The following LRP1 variants were observed in gnomAD, a reference collection of about 807,000 sequenced individuals.
LRP1 encodes the protein LDL receptor related protein 1.
In LRP1, 51 loss-of-function variants were observed where a neutral mutation model predicts 541.5. The observed-to-expected ratio is 0.09, with a 90% CI of 0.08 to 0.12. The LOEUF is 0.12. Ranked by LOEUF, LRP1 falls within the 10% of genes least tolerant of loss-of-function variation. The pLI is 1.00. For synonymous variants in LRP1, 2,219 were observed against 2,470.8 expected (o/e 0.90, Z 3.02); for missense variants, 3,878 against 6,376.2 (o/e 0.61, Z 13.34).
rs768571162 is a variant in LRP1, at chr12:57,161,082, C to T, written c.2169C>T (p.Ile723=). 5.6e-5 allele frequency: 91 copies of T among 1,613,490 alleles called. No individual in the cohort carries two copies. In the Admixed American group the frequency reaches 1.2e-3, roughly 22 times the overall value. Residue 723 remains isoleucine (I), a synonymous_variant, in exon 13 of 89, where the codon ATC becomes ATT. Coordinates refer to ENST00000243077, the MANE Select transcript of LRP1 (RefSeq NM_002332.3). ...LYWVDAFYDR[I]ETILLNGTDR... is the part of the protein sequence containing the mutation. ...GGGTGGATGCCTTCTACGACCGCAT[C>T]GAGACGATACTGCTCAATGGCACAG...
In LRP1 at chr12:57,183,823, G is replaced by A. The variant is rs1172281354; in HGVS notation, c.5843G>A (p.Arg1948Gln). 5.0e-6 allele frequency: 8 copies of A among 1,614,010 alleles called. No homozygotes were observed. Among genetic ancestry groups the A allele is most frequent in the East Asian group, 2.2e-5 (1 of 44,894 alleles). The change falls in exon 36 of 89, where the codon CGG (arginine) becomes CAG (glutamine). Residue 1948 changes from arginine to glutamine, a missense_variant. Physicochemically the swap from Arg to Gln is conservative, Grantham distance 43. Coordinates refer to ENST00000243077, the MANE Select transcript of LRP1 (RefSeq NM_002332.3). This position sits in a 1 kb window ranked among gnomAD's most constrained non-coding sequence, Gnocchi z 6.1. The stretch of plus-strand genomic sequence containing the variant: ...GACATGGGCCTGAGCACGATCAGCC[G>A]GGCCAAGCGGGACCAGACGTGGCGT... Reference protein sequence around the residue: ...WVDMGLSTISRAKRDQTWRED... With the variant: ...WVDMGLSTISQAKRDQTWRED...
At chr12:57,168,999 C>G (rs528731471) in intron 19 of LRP1, 141 bp from the exon 20 acceptor site, 1 of 688,912 alleles carries the variant, frequency 1.5e-6, no homozygotes, top group South Asian at 1.8e-5. Flanking sequence ...GTTTCTGTGT[C>G]TTTTCTGTTT....
Position 57,198,194 on chromosome 12 carries a change from G to A in LRP1, c.9321G>A (p.Leu3107=). 1 of 1,613,194 alleles carries A rather than the reference G, an allele frequency of 6.2e-7. No individual in the cohort carries two copies. Among genetic ancestry groups the A allele is most frequent in the Non-Finnish European group, 8.5e-7 (1 of 1,179,848 alleles). Residue 3107 remains leucine, a synonymous_variant, in exon 59 of 89, where the codon CTG becomes CTA. Transcript: ENST00000243077. ...HRTGLSNPDG[L]AVDWVGGNLY... Reference sequence around the variant, plus strand: ...CAGGCCTCAGCAACCCCGATGGGCTGGCTGTGGACTGGGTGGGTGGCAACC... The same window carrying A: ...CAGGCCTCAGCAACCCCGATGGGCTAGCTGTGGACTGGGTGGGTGGCAACC...
intron 67 of LRP1, 110 bp from the exon 68 acceptor site, chr12:57,202,311 C>A: frequency 1.1e-6 from 1 of 875,408 alleles, no homozygotes. Flanking sequence ...CTGACCCTTC[C>A]CAAGCTGGGA....
chr12:57,192,592 C>T (rs754173066), intron 44 of LRP1, among the ~76,000 whole-genome samples: 2 of 152,206 alleles, frequency 1.3e-5, no homozygotes, highest in Non-Finnish European at 2.9e-5. Context: ...CTCAGAAACA[C>T]TCCTCAAAGC....
chr12:57,184,382 A>G lies in LRP1; in HGVS notation c.6116A>G (p.Asp2039Gly), dbSNP rs1220401590. The G allele has an allele frequency of 6.2e-7, 1 of 1,614,208 alleles. No individual in the cohort carries two copies. The highest frequency in any genetic ancestry group is 1.7e-5 in the Admixed American group (1 of 60,030). ...QYPRIERSRL[D>G]GTERVVLVNV... is the part of the protein sequence containing the mutation. ...CCGCGTATTGAGCGGTCTCGGCTAGATGGCACGGAGCGTGTGGTGCTGGTC... is the reference window on the plus strand; with the variant it reads ...CCGCGTATTGAGCGGTCTCGGCTAGGTGGCACGGAGCGTGTGGTGCTGGTC... Residue 2039 changes from aspartate to glycine, a missense_variant, in exon 38 of 89, where the codon GAT becomes GGT. Transcript: ENST00000243077. This position sits in a 1 kb window ranked among gnomAD's most constrained non-coding sequence, Gnocchi z 7.8.
At position 57,136,405 on chromosome 12, in the gene LRP1, C is replaced by A. The variant is rs547999947; in HGVS notation, c.68-2054C>A. The stretch of plus-strand genomic sequence containing the variant: ...CCCTCCCTCCTAAGAGCCCCCCCCC[C>A]CCGCCATTTTCCTTATACTTCTGTC... On this transcript the variant is annotated intron_variant, in intron 1 of 88. Coordinates refer to ENST00000243077, the MANE Select transcript of LRP1 (RefSeq NM_002332.3). 2.2e-4 allele frequency among the ~76,000 whole-genome samples: 32 copies of A among 148,610 alleles called. 2 individuals are homozygous for A. The East Asian group carries it at 2.4e-3, about 11-fold the overall frequency.
rs368578321 is a variant in LRP1, at chr12:57,210,157, C to T, written c.12568C>T (p.Pro4190Ser). 30 of 1,595,434 alleles carry T rather than the reference C, an allele frequency of 1.9e-5. No individual in the cohort carries two copies. In the African/African-American group the frequency reaches 3.6e-4, roughly 19 times the overall value. The part of the protein sequence containing the change: ...GTCVPVPSPT[P>S]PPDAPRPGTC... ...ATGCGTGCCTGTGCCCTCTCCAACG[C>T]CCCCCCCAGATGGTATGCTTATGCC... is the stretch of plus-strand genomic sequence containing the variant. The change falls in exon 81 of 89, where the codon CCC (proline) becomes TCC (serine). Residue 4190 changes from proline (P) to serine (S), a missense_variant. This residue lies in a region of LRP1 where 871 missense variants were observed against 1,212.4 expected (regional missense o/e 0.72). Transcript: ENST00000243077.
Position 57,193,232 on chromosome 12 carries a change from A to G in LRP1, c.7612A>G (p.Ile2538Val), listed in dbSNP as rs759115140. Residue 2538 changes from isoleucine (I) to valine (V), a missense_variant, in exon 46 of 89, where the codon ATC becomes GTC. Ile to Val is a conservative substitution (Grantham distance 29, BLOSUM62 3). Transcript: ENST00000243077. ...GTTTGAGTGTGCCAATGGCGAGTGC[A>G]TCAACTTCAGCCTGACCTGCGACGG... ...DEFECANGEC[I>V]NFSLTCDGVP... is the part of the protein sequence containing the mutation. The G allele has an allele frequency of 1.9e-6, 3 of 1,614,116 alleles. No homozygotes were observed. Among genetic ancestry groups the G allele is most frequent in the Non-Finnish European group, 2.5e-6 (3 of 1,180,016 alleles).
At position 57,201,828 on chromosome 12, in the gene LRP1, G is replaced by A. The variant is rs2036662626; in HGVS notation, c.10517G>A (p.Arg3506His). The change falls in exon 67 of 89, where the codon CGC becomes CAC. Residue 3506 changes from arginine to histidine, a missense_variant. Arg to His is a conservative substitution (Grantham distance 29, BLOSUM62 0). Transcript: ENST00000243077. The surrounding 1 kb of genome is among the most constrained non-coding windows in gnomAD (Gnocchi z 6.4). ...GAGTTCCGCTGCAAGGATTCGGGCC[G>A]CTGCATCCCAGCGCGTTGGAAGTGT... ...VDEFRCKDSG[R>H]CIPARWKCDG... 1.2e-6 allele frequency: 2 copies of A among 1,614,102 alleles called. No individual in the cohort carries two copies. The highest frequency in any genetic ancestry group is 1.7e-6 in the Non-Finnish European group (2 of 1,180,000).
intron 77 of LRP1, 149 bp downstream of exon 77, chr12:57,208,365 C>A: frequency 1.2e-6 from 1 of 808,518 alleles, no homozygotes; most frequent in Non-Finnish European, 1.9e-6. Flanking sequence ...TCTCGGCCAC[C>A]CCTGCCTGGC....
intron 20 of LRP1, among the ~76,000 whole-genome samples, 174 bp from the exon 21 acceptor site, chr12:57,172,994 A>T (rs2035975337): frequency 1.3e-5 from 2 of 151,984 alleles, no homozygotes; most frequent in Admixed American, 6.5e-5. Context: ...ATGCCTCCTG[A>T]CTCTACTACT....
Position 57,156,879 on chromosome 12 carries a change from G to A in LRP1, c.1520G>A (p.Arg507His), listed in dbSNP as rs200270323. ...NSHKARTCRC[R>H]SGFSLGSDGK... ...CACAAGGCGCGGACCTGCCGCTGCC[G>A]TTCCGGCTTCAGCCTGGGCAGTGAC... is the stretch of plus-strand genomic sequence containing the variant. The change falls in exon 10 of 89, where the codon CGT becomes CAT. Residue 507 changes from arginine to histidine, a missense_variant. Physicochemically the swap from Arg to His is conservative, Grantham distance 29 (BLOSUM62 0). Coordinates refer to ENST00000243077, the MANE Select transcript of LRP1 (RefSeq NM_002332.3). The surrounding 1 kb of genome is among the most constrained non-coding windows in gnomAD (Gnocchi z 5.2). The A allele has an allele frequency of 3.2e-5, 51 of 1,595,588 alleles. No homozygotes were observed. Among genetic ancestry groups the A allele is most frequent in the Middle Eastern group, 2.2e-4 (1 of 4,476 alleles).
chr12:57,160,877 C>T lies in LRP1; in HGVS notation c.1980-16C>T. On this transcript the variant is annotated splice_polypyrimidine_tract_variant and intron_variant, in intron 12 of 88. Transcript: ENST00000243077. The stretch of plus-strand genomic sequence containing the variant: ...GCGGGGGTGCCCAGGTGATGCTGAC[C>T]AGTCGCTGCCCACAGGTGGATGTAC... 6.2e-7 allele frequency: 1 copy of T among 1,607,328 alleles called. No individual in the cohort carries two copies. Among genetic ancestry groups the T allele is most frequent in the South Asian group, 1.1e-5 (1 of 90,906 alleles).
At position 57,209,172 on chromosome 12, in the gene LRP1, C is replaced by T; in HGVS notation, c.12235C>T (p.Pro4079Ser). Reference sequence around the variant, plus strand: ...CAGCATCCGGCTCAATGGCACGGACCCCATTGTGGCTGCTGACAGCAAACG... The same window carrying T: ...CAGCATCCGGCTCAATGGCACGGACTCCATTGTGGCTGCTGACAGCAAACG... ...IGSIRLNGTD[P>S]IVAADSKRGL... The change falls in exon 79 of 89, where the codon CCC becomes TCC. Residue 4079 changes from proline to serine, a missense_variant. By Grantham distance (74) the Pro-to-Ser change is moderately conservative. This residue lies in a region of LRP1 where 871 missense variants were observed against 1,212.4 expected (regional missense o/e 0.72). Transcript: ENST00000243077. The T allele has an allele frequency of 6.2e-7, 1 of 1,613,940 alleles. No individual in the cohort carries two copies.
chr12:57,179,754 A>G lies in LRP1; in HGVS notation c.4967-28A>G, dbSNP rs759859414. On this transcript the variant is annotated intron_variant, in intron 29 of 88. Transcript: ENST00000243077. The surrounding 1 kb of genome is among the most constrained non-coding windows in gnomAD (Gnocchi z 6.8). ...TGACCCACTGCCCTGCAGACACCCA[A>G]CAACTGACTCCCTACTTGTGCCCCC... 5 of 1,608,764 alleles carry G rather than the reference A, an allele frequency of 3.1e-6. No individual in the cohort carries two copies. Among genetic ancestry groups the G allele is most frequent in the Non-Finnish European group, 4.2e-6 (5 of 1,176,906 alleles).
In LRP1 at chr12:57,184,298, G is replaced by C; in HGVS notation, c.6060-28G>C. The C allele has an allele frequency of 6.2e-7, 1 of 1,614,148 alleles. No individual in the cohort carries two copies. Among genetic ancestry groups the C allele is most frequent in the East Asian group, 2.2e-5 (1 of 44,874 alleles). On this transcript the variant is annotated intron_variant, in intron 37 of 88. Transcript: ENST00000243077. This position sits in a 1 kb window ranked among gnomAD's most constrained non-coding sequence, Gnocchi z 7.8. Reference sequence around the variant, plus strand: ...CTGTCTCCTCCAGGGTCTGAGGACTGACCCCCACTTCCACCCCCACCCTAC... The same window carrying C: ...CTGTCTCCTCCAGGGTCTGAGGACTCACCCCCACTTCCACCCCCACCCTAC...
chr12:57,186,464 C>T (rs373769228), intron 41 of LRP1, among the ~76,000 whole-genome samples: 4 of 152,178 alleles, frequency 2.6e-5, no homozygotes, highest in East Asian at 1.9e-4. Flanking sequence ...TGGTTACCAC[C>T]GGGTCCCTTG....
Position 57,162,700 on chromosome 12 carries a change from G to GC in LRP1, c.2405-154dup, listed in dbSNP as rs928659259. ...TTCTCTGTTCCCCATTTCCCTTCCT[G>GC]CCCCATGTCTGTGTCTCCTGTTCTT... On this transcript the variant is annotated intron_variant, in intron 14 of 88. Coordinates refer to ENST00000243077, the MANE Select transcript of LRP1 (RefSeq NM_002332.3). This position sits in a 1 kb window ranked among gnomAD's most constrained non-coding sequence, Gnocchi z 5.2. 6.6e-6 allele frequency among the ~76,000 whole-genome samples: 1 copy of GC among 152,064 alleles called. No homozygotes were observed. Among genetic ancestry groups the GC allele is most frequent in the African/African-American group, 2.4e-5 (1 of 41,398 alleles).
Sources: gnomAD v4.1 joint callset for allele counts (sites outside exome capture counted in the v4.1 genomes callset) on GRCh38, gnomAD v4.1.1 for gene constraint, gnomAD v4.1.1 regional missense constraint, Gnocchi (gnomAD v3.1) non-coding constraint, MANE v1.5 for transcripts, NCBI Gene and HGNC (gene_info 2026-07-23, HGNC 2026-07-21) for gene names.